FMN2: variants seen among roughly 807,000 people sequenced by gnomAD.
The protein encoded by FMN2 is formin 2.
In FMN2, 51 loss-of-function variants were observed where a neutral mutation model predicts 142.3. The ratio of observed to expected loss-of-function variants is 0.36; its 90% CI spans 0.29 to 0.45. FMN2 has a LOEUF of 0.45. Among genes scored for constraint, FMN2 ranks in the 20% least tolerant of loss-of-function variants. FMN2 has a pLI of 1.00. For missense variants in FMN2, 1,936 were observed against 2,122.8 expected, an observed-to-expected ratio of 0.91 and a Z score of 1.73; for synonymous variants, 882 against 869.8, an observed-to-expected ratio of 1.01 and a Z score of -0.25.
Position 240,092,084 on chromosome 1 carries a change from C to T in FMN2, c.-26C>T, listed in dbSNP as rs763452698. On this transcript the variant is annotated 5_prime_UTR_variant, in exon 1 of 18. Coordinates refer to ENST00000319653, the MANE Select transcript of FMN2 (RefSeq NM_020066.5). ...CGGGATGGCCTGAGTGCCCGCGGCG[C>T]GGCGGCGCAGCAGCGGGATTGCACC... 5.2e-5 allele frequency: 79 copies of T among 1,533,850 alleles called. No individual in the cohort carries two copies. The highest frequency in any genetic ancestry group is 6.4e-5 in the Non-Finnish European group (73 of 1,141,740).
intron 8 of FMN2, among the ~76,000 whole-genome samples, chr1:240,314,961 C>T (rs1434388179): frequency 6.6e-6 from 1 of 152,174 alleles, no homozygotes; most frequent in Non-Finnish European, 1.5e-5. Context: ...AACTATTCAG[C>T]TCTTCTGGGA....
intron 6 of FMN2, among the ~76,000 whole-genome samples, chr1:240,213,396 T>C (rs1305169929): frequency 1.3e-5 from 2 of 152,180 alleles, no homozygotes; most frequent in African/African-American, 4.8e-5. Context: ...GATCTGTTTT[T>C]GGAGGGACAA....
chr1:240,398,764 A>G (rs1338751822), intron 15 of FMN2, among the ~76,000 whole-genome samples: 1 of 152,176 alleles, frequency 6.6e-6, no homozygotes, highest in Non-Finnish European at 1.5e-5. Context: ...ACCTTAGACC[A>G]ATCCCTTCAC....
At chr1:240,363,896 A>C (rs2103058751) in intron 14 of FMN2, among the ~76,000 whole-genome samples, 1 of 152,236 alleles carries the variant, frequency 6.6e-6, no homozygotes, top group South Asian at 2.1e-4. Flanking sequence ...TGCAGGAGCA[A>C]GCCTGGGAGA....
chr1:240,263,889 C>T (rs1287175077), intron 7 of FMN2, among the ~76,000 whole-genome samples: 1 of 152,058 alleles, frequency 6.6e-6, no homozygotes, highest in Non-Finnish European at 1.5e-5. Flanking sequence ...ATTATGGGCC[C>T]TTGGCAGTAA....
At chr1:240,428,982 C>A (rs891758604) in intron 15 of FMN2, among the ~76,000 whole-genome samples, 5 of 152,022 alleles carry the variant, frequency 3.3e-5, no homozygotes, top group African/African-American at 1.2e-4. Context: ...TCTCTTAAAT[C>A]TTTTTTTAAA....
chr1:240,462,868 A>G lies in FMN2; in HGVS notation c.5061-9504A>G, dbSNP rs528856166. ...AATAAGCTTGCCTGGAGGGTCAGATATGTTTCCTATAGGAGGCTAATTTTG... is the reference window on the plus strand; with the variant it reads ...AATAAGCTTGCCTGGAGGGTCAGATGTGTTTCCTATAGGAGGCTAATTTTG... On this transcript the variant is annotated intron_variant, in intron 16 of 17. Coordinates refer to ENST00000319653, the MANE Select transcript of FMN2 (RefSeq NM_020066.5). Among the ~76,000 whole-genome samples the G allele has an allele frequency of 5.3e-5, 8 of 152,154 alleles. No individual in the cohort carries two copies. The South Asian group carries it at 1.7e-3, about 32-fold the overall frequency.
chr1:240,376,109 G>T (rs1485501541), intron 14 of FMN2, among the ~76,000 whole-genome samples: 3 of 151,878 alleles, frequency 2.0e-5, no homozygotes, highest in Non-Finnish European at 4.4e-5. Context: ...TTGTTCTGAG[G>T]TCTGATTTGC....
At chr1:240,407,501 C>A (rs1674250299) in intron 15 of FMN2, among the ~76,000 whole-genome samples, 1 of 152,158 alleles carries the variant, frequency 6.6e-6, no homozygotes, top group Admixed American at 6.5e-5. Context: ...CTGATTCCAG[C>A]ACCGTTGAAG....
At chr1:240,106,050 C>T (rs1359362712) in intron 1 of FMN2, among the ~76,000 whole-genome samples, 1 of 151,952 alleles carries the variant, frequency 6.6e-6, no homozygotes, top group African/African-American at 2.4e-5. Flanking sequence ...TTGTGTCTTA[C>T]ATTGAACATT....
intron 2 of FMN2, among the ~76,000 whole-genome samples, chr1:240,166,548 A>G (rs1359894442): frequency 2.0e-5 from 3 of 152,134 alleles, no homozygotes; most frequent in Non-Finnish European, 4.4e-5. Context: ...TATATTTACA[A>G]TATAAATTTA....
At chr1:240,266,573 T>C (rs539495339) in intron 7 of FMN2, among the ~76,000 whole-genome samples, 1 of 152,232 alleles carries the variant, frequency 6.6e-6, no homozygotes, top group African/African-American at 2.4e-5. Context: ...TAATGTTCCG[T>C]GGTATATATG....
At chr1:240,172,495 T>A (rs1303757264) in intron 2 of FMN2, among the ~76,000 whole-genome samples, 1 of 152,294 alleles carries the variant, frequency 6.6e-6, no homozygotes, top group African/African-American at 2.4e-5. Context: ...CAAATAGTAT[T>A]CATGGCATAT....
chr1:240,381,104 A>G (rs1276179461), intron 14 of FMN2, among the ~76,000 whole-genome samples: 2 of 152,206 alleles, frequency 1.3e-5, no homozygotes, highest in African/African-American at 4.8e-5. Context: ...GGAACCAAGC[A>G]TATTAAAACT....
intron 2 of FMN2, among the ~76,000 whole-genome samples, chr1:240,138,654 C>A (rs1357839026): frequency 6.6e-6 from 1 of 152,082 alleles, no homozygotes; most frequent in Non-Finnish European, 1.5e-5. Flanking sequence ...TTGCAGTGAG[C>A]CAAGATTATG....
chr1:240,415,584 T>C (rs140781329), intron 15 of FMN2, among the ~76,000 whole-genome samples: 1 of 152,220 alleles, frequency 6.6e-6, no homozygotes, highest in East Asian at 1.9e-4. Context: ...ATCACATGTG[T>C]ATAATGATTC....
intron 6 of FMN2, among the ~76,000 whole-genome samples, chr1:240,236,955 T>C (rs1316532587): frequency 1.3e-5 from 2 of 152,240 alleles, no homozygotes; most frequent in Non-Finnish European, 2.9e-5. Flanking sequence ...TAACTTTTTA[T>C]GGAAGTGCCT....
chr1:240,445,313 G>A (rs554490957), intron 16 of FMN2, among the ~76,000 whole-genome samples: 1 of 152,156 alleles, frequency 6.6e-6, no homozygotes. Context: ...AAAAGTAAGC[G>A]CATATTTAAG....
intron 15 of FMN2, among the ~76,000 whole-genome samples, chr1:240,419,940 A>G (rs963447289): frequency 6.6e-6 from 1 of 152,098 alleles, no homozygotes; most frequent in Non-Finnish European, 1.5e-5. Context: ...TAAGGATGCT[A>G]TGCTCCACTA....
Sources: allele counts gnomAD v4.1 joint callset (sites outside exome capture counted in the v4.1 genomes callset), GRCh38; gene constraint gnomAD v4.1.1; transcripts MANE v1.5; gene names NCBI Gene and HGNC (gene_info 2026-07-23, HGNC 2026-07-21).